Variants in ASXL1 observed in about 807,000 individuals in gnomAD.
ASXL1 encodes the protein ASXL transcriptional regulator 1, also known as polycomb group protein ASXL1.
Under a neutral mutation model 89.1 loss-of-function variants are expected in ASXL1, and 65 were observed. The ratio of observed to expected loss-of-function variants is 0.73; its 90% CI spans 0.60 to 0.90. The LOEUF is 0.90. ASXL1 is among the 40% of genes least tolerant of loss of function. The probability of loss-of-function intolerance (pLI) is 0.00; values close to 1 mark genes in which losing one functional copy is unlikely to be tolerated. For synonymous variants in ASXL1, 739 were observed against 746.9 expected (o/e 0.99, Z 0.17); for missense variants, 1,786 against 1,942.9 (o/e 0.92, Z 1.52).
rs1282636106 is a variant in ASXL1, at chr20:32,436,751, G to A, written c.4039G>A (p.Gly1347Ser). ...KLGPSTNSMS[G>S]GVQTPREDWA... ...GGGACCAAGCACAAACTCCATGTCT[G>A]GTGGGGTACAGACTCCAAGGGAAGA... The change falls in exon 13 of 13, where the codon GGT becomes AGT. Residue 1347 changes from glycine to serine, a missense_variant. Gly to Ser is a moderately conservative substitution (Grantham distance 56). Transcript: ENST00000375687. 1.9e-6 allele frequency: 3 copies of A among 1,614,038 alleles called. No homozygotes were observed. The highest frequency in any genetic ancestry group is 2.5e-6 in the Non-Finnish European group (3 of 1,180,046).
chr20:32,419,971 C>T (rs1444023085), intron 4 of ASXL1, among the ~76,000 whole-genome samples: 1 of 152,130 alleles, frequency 6.6e-6, no homozygotes, highest in Non-Finnish European at 1.5e-5. Context: ...TGAGCCCCCA[C>T]ACCCGGCTGA....
chr20:32,427,740 G>A, intron 4 of ASXL1: 1 of 284,898 alleles, frequency 3.5e-6, no homozygotes, highest in Non-Finnish European at 6.8e-6. Context: ...CCCCTCTTCT[G>A]GGCTGCCACG....
In ASXL1 at chr20:32,438,538, A is replaced by G. The variant is rs1056844675; in HGVS notation, c.*1200A>G. The G allele has an allele frequency of 4.3e-6, 1 of 233,534 alleles. No individual in the cohort carries two copies. Among genetic ancestry groups the G allele is most frequent in the African/African-American group, 2.2e-5 (1 of 45,346 alleles). 14.5% of individuals were successfully genotyped at this position (233,534 alleles called of 1,614,324 possible). A position where few individuals can be genotyped will look rare whatever the true frequency, so the allele number is the denominator to read the frequency against. On this transcript the variant is annotated 3_prime_UTR_variant, in exon 13 of 13. Coordinates refer to ENST00000375687, the MANE Select transcript of ASXL1 (RefSeq NM_015338.6). Reference sequence around the variant, plus strand: ...ACCGGCTGGACCTGCTGCAGCCTGCAGAGCCACAGTCAGCCTGCCCACATG... The same window carrying G: ...ACCGGCTGGACCTGCTGCAGCCTGCGGAGCCACAGTCAGCCTGCCCACATG...
chr20:32,434,199 C>T lies in ASXL1; in HGVS notation c.1720-233C>T, dbSNP rs538278696. On this transcript the variant is annotated intron_variant, in intron 12 of 12. Coordinates refer to ENST00000375687, the MANE Select transcript of ASXL1 (RefSeq NM_015338.6). ...AGATTCTTTGCTATAGTGACTCACA[C>T]AGTCCCACCAGAAATTAAATTTAGA... is the stretch of plus-strand genomic sequence containing the variant. The T allele has an allele frequency of 1.7e-5, 12 of 690,506 alleles. No individual in the cohort carries two copies. In the East Asian group the frequency reaches 2.7e-4, roughly 16 times the overall value. 42.8% of individuals were successfully genotyped at this position (690,506 alleles called of 1,614,324 possible). A position where few individuals can be genotyped will look rare whatever the true frequency, so the allele number is the denominator to read the frequency against.
chr20:32,371,616 A>G (rs537869093), intron 4 of ASXL1, among the ~76,000 whole-genome samples: 20 of 151,870 alleles, frequency 1.3e-4, no homozygotes, highest in Non-Finnish European at 2.4e-4. Context: ...ATTAATTTAT[A>G]TTTTTAGAAA....
chr20:32,396,753 A>G (rs2424885), intron 4 of ASXL1, among the ~76,000 whole-genome samples: 111,467 of 151,974 alleles, frequency 0.73, 42,307 homozygotes, highest in South Asian at 0.9. Context: ...TTCCCCTAAT[A>G]GTAATATAAA....
chr20:32,435,407 A>G lies in ASXL1; in HGVS notation c.2695A>G (p.Ile899Val), dbSNP rs2011771763. Reference protein sequence around the residue: ...ALVSNSSLHWIPIPSNDEVVK... With the variant: ...ALVSNSSLHWVPIPSNDEVVK... ...CGTTTCTAACAGTTCTTTGCATTGG[A>G]TACCCATCCCATCGAATGATGAGGT... Residue 899 changes from isoleucine (I) to valine (V), a missense_variant, in exon 13 of 13, where the codon ATA becomes GTA. Around this residue, in one of 3 missense-constraint regions of ASXL1, gnomAD observed 1,418 missense variants for 1,427.8 expected, o/e 0.99. Coordinates refer to ENST00000375687, the MANE Select transcript of ASXL1 (RefSeq NM_015338.6). 6.2e-7 allele frequency: 1 copy of G among 1,614,050 alleles called. No individual in the cohort carries two copies. Among genetic ancestry groups the G allele is most frequent in the Admixed American group, 1.7e-5 (1 of 60,006 alleles).
chr20:32,424,930 C>T (rs374476302), intron 4 of ASXL1, among the ~76,000 whole-genome samples: 5 of 152,174 alleles, frequency 3.3e-5, no homozygotes, highest in East Asian at 1.9e-4. Context: ...AGCAGCCAGG[C>T]GCACCTCCCC....
At chr20:32,379,214 T>C (rs2048444485) in intron 4 of ASXL1, among the ~76,000 whole-genome samples, 1 of 123,564 alleles carries the variant, frequency 8.1e-6, no homozygotes, top group Non-Finnish European at 1.6e-5. Context: ...AGACAGAGTC[T>C]CCTTCTGTCA....
At chr20:32,397,777 A>C (rs1419292785) in intron 4 of ASXL1, among the ~76,000 whole-genome samples, 1 of 152,218 alleles carries the variant, frequency 6.6e-6, no homozygotes, top group East Asian at 1.9e-4. Flanking sequence ...GGCCGCATTG[A>C]AAGCTGTCCT....
chr20:32,359,921 C>T lies in ASXL1; in HGVS notation c.57+1089C>T. On this transcript the variant is annotated intron_variant, in intron 1 of 12. Coordinates refer to ENST00000375687, the MANE Select transcript of ASXL1 (RefSeq NM_015338.6). The stretch of plus-strand genomic sequence containing the variant: ...TCAGTTCCTAAGATCTGTCACACAG[C>T]GAGGTTGTGGTGCGGATAGCATAAG... The T allele has an allele frequency of 4.3e-6, 3 of 702,400 alleles. No homozygotes were observed. In the East Asian group the frequency reaches 8.1e-5, roughly 19 times the overall value. The allele number at this position is 702,400 out of a possible 1,614,324, so 43.5% of individuals were successfully genotyped here. A position where few individuals can be genotyped will look rare whatever the true frequency, so the allele number is the denominator to read the frequency against.
intron 1 of ASXL1, chr20:32,359,580 G>C (rs1459134010): frequency 1.5e-6 from 1 of 671,066 alleles, no homozygotes; most frequent in African/African-American, 1.8e-5. Context: ...TGGGCTGTTT[G>C]CCTTCAGAAG....
At chr20:32,425,394 G>A (rs2011245466) in intron 4 of ASXL1, among the ~76,000 whole-genome samples, 1 of 152,194 alleles carries the variant, frequency 6.6e-6, no homozygotes. Context: ...GTCAGAGGAT[G>A]TTTGTATCTT....
chr20:32,370,123 C>G (rs2048276879), intron 4 of ASXL1, among the ~76,000 whole-genome samples: 1 of 152,068 alleles, frequency 6.6e-6, no homozygotes, highest in South Asian at 2.1e-4. Context: ...GAAATGTGAA[C>G]ATATTTGTGG....
rs532133623 is a variant in ASXL1 at position 32,413,527 on chromosome 20, G to C, written c.253-14601G>C. On this transcript the variant is annotated intron_variant, in intron 4 of 12. Transcript: ENST00000375687. The stretch of plus-strand genomic sequence containing the variant: ...CTGTACAATTCTTGATGTGTTCAAC[G>C]TATTTCATTCTTCTTTCTGAATGTT... 1.4e-4 allele frequency among the ~76,000 whole-genome samples: 7 copies of C among 50,736 alleles called. No homozygotes were observed. The East Asian group carries it at 2.7e-3, about 19-fold the overall frequency. The allele number at this position is 50,736 out of a possible 152,430, so 33.3% of individuals were successfully genotyped here.
At chr20:32,379,161 CTTTTTTTTTTTTTTTTTTTTTTTTTT>C (rs71187113) in intron 4 of ASXL1, among the ~76,000 whole-genome samples, 9 of 61,760 alleles carry the variant, frequency 1.5e-4, no homozygotes, top group South Asian at 1.3e-3. Flanking sequence ...TAACTTCAGT[CTTTTTTTTTTTTTTTTTTTTTTTTTT>C]TTTTTTTTTT....
Position 32,428,107 on chromosome 20 carries a change from AGT to A in ASXL1, c.253-20_253-19del, listed in dbSNP as rs777592984. 1 of 1,612,666 alleles carries A rather than the reference AGT, an allele frequency of 6.2e-7. No individual in the cohort carries two copies. Among genetic ancestry groups the A allele is most frequent in the South Asian group, 1.1e-5 (1 of 90,998 alleles). ...GAATTTGTAGGGTTTTGTTCACCTG[AGT>A]TGTACCTTGCTGTCACAGAAGGATG... On this transcript the variant is annotated intron_variant, in intron 4 of 12. Transcript: ENST00000375687.
chr20:32,371,431 G>A (rs1421055137), intron 4 of ASXL1, among the ~76,000 whole-genome samples: 11 of 151,612 alleles, frequency 7.3e-5, no homozygotes, highest in Non-Finnish European at 2.9e-5. Flanking sequence ...GACTTCAGGC[G>A]CATACCACTA....
At chr20:32,412,158 G>C (rs2049059816) in intron 4 of ASXL1, among the ~76,000 whole-genome samples, 1 of 152,106 alleles carries the variant, frequency 6.6e-6, no homozygotes, top group African/African-American at 2.4e-5. Context: ...GGTAAATATA[G>C]TATTCATACT....
Sources: gnomAD v4.1 joint callset for allele counts (sites outside exome capture counted in the v4.1 genomes callset) on GRCh38, gnomAD v4.1.1 for gene constraint, gnomAD v4.1.1 regional missense constraint, MANE v1.5 for transcripts, NCBI Gene and HGNC (gene_info 2026-07-23, HGNC 2026-07-21) for gene names.